TUBGCP3: variants seen among roughly 807,000 people sequenced by gnomAD.
TUBGCP3 encodes the protein gamma-tubulin complex component 3.
Under a neutral mutation model 123.1 loss-of-function variants are expected in TUBGCP3, and 50 were observed. That is an observed-to-expected ratio of 0.41 (90% CI 0.32 to 0.51). TUBGCP3 has a LOEUF of 0.51. Among genes scored for constraint, TUBGCP3 ranks in the 20% least tolerant of loss-of-function variants. The pLI, the probability that TUBGCP3 is intolerant of heterozygous loss-of-function variation, is 0.36. For synonymous variants in TUBGCP3, 405 were observed against 413.9 expected (o/e 0.98, Z 0.26); for missense variants, 882 against 1,127.0 (o/e 0.78, Z 3.11).
chr13:112,578,558 CAA>C (rs71131496), intron 1 of TUBGCP3, among the ~76,000 whole-genome samples: 237 of 24,844 alleles, frequency 9.5e-3, no homozygotes, highest in African/African-American at 0.023. Context: ...GACTCCGTCT[CAA>C]AAAAAAAAAA....
intron 11 of TUBGCP3, among the ~76,000 whole-genome samples, chr13:112,527,923 C>A (rs539918176): frequency 6.6e-6 from 1 of 152,206 alleles, no homozygotes; most frequent in African/African-American, 2.4e-5. Flanking sequence ...GTGCCCAGGC[C>A]GGCGTCCTCT....
chr13:112,574,759 C>T (rs1044651202), intron 1 of TUBGCP3, among the ~76,000 whole-genome samples: 7 of 152,214 alleles, frequency 4.6e-5, no homozygotes, highest in African/African-American at 1.7e-4. Flanking sequence ...GGGTATGAAA[C>T]TGATGAATCA....
At chr13:112,589,521 G>T (rs1330962251), upstream of TUBGCP3, among the ~76,000 whole-genome samples, 8 of 152,240 alleles carry the variant, frequency 5.3e-5, no homozygotes, top group East Asian at 1.5e-3. Context: ...ATTAATTAGA[G>T]CCTGTCAGTT....
At chr13:112,581,842 C>T (rs922198650) in intron 1 of TUBGCP3, among the ~76,000 whole-genome samples, 1 of 152,144 alleles carries the variant, frequency 6.6e-6, no homozygotes, top group African/African-American at 2.4e-5. Context: ...CTTTCTCATA[C>T]CAAAAAGTTA....
chr13:112,510,189 C>G (rs1251032095), intron 17 of TUBGCP3, among the ~76,000 whole-genome samples: 3 of 152,178 alleles, frequency 2.0e-5, no homozygotes, highest in Middle Eastern at 3.2e-3. Context: ...CCACTGACCC[C>G]TAAAGGCTGT....
intron 1 of TUBGCP3, among the ~76,000 whole-genome samples, chr13:112,572,529 T>C (rs534974190): frequency 1.3e-5 from 2 of 152,236 alleles, no homozygotes; most frequent in African/African-American, 4.8e-5. Flanking sequence ...TGGTTTTCTG[T>C]TGATCACTAA....
intron 20 of TUBGCP3, among the ~76,000 whole-genome samples, chr13:112,496,003 G>C (rs1272519313): frequency 6.6e-6 from 1 of 151,984 alleles, no homozygotes; most frequent in East Asian, 1.9e-4. Context: ...TGCAAAAAAA[G>C]TAAAACTATT....
chr13:112,494,808 C>G (rs149626424), intron 20 of TUBGCP3, among the ~76,000 whole-genome samples: 78 of 152,340 alleles, frequency 5.1e-4, no homozygotes, highest in African/African-American at 1.8e-3. Flanking sequence ...ATCTGCATTT[C>G]TTTGATAACC....
intron 11 of TUBGCP3, among the ~76,000 whole-genome samples, chr13:112,543,434 C>T (rs1330891590): frequency 1.3e-5 from 2 of 152,096 alleles, no homozygotes; most frequent in African/African-American, 4.8e-5. Context: ...TATGCAATCC[C>T]TATAAAAATT....
chr13:112,570,953 T>C (rs1349307192), intron 1 of TUBGCP3, among the ~76,000 whole-genome samples: 2 of 152,240 alleles, frequency 1.3e-5, no homozygotes, highest in Non-Finnish European at 2.9e-5. Context: ...CAACTCCTCA[T>C]CCCTTCACAT....
chr13:112,501,008 T>C (rs1248327695), intron 19 of TUBGCP3, among the ~76,000 whole-genome samples: 1 of 152,238 alleles, frequency 6.6e-6, no homozygotes, highest in African/African-American at 2.4e-5. Flanking sequence ...TATTCGGCAG[T>C]GAACAGCCCA....
Position 112,544,198 on chromosome 13 carries a change from A to G in TUBGCP3, c.1335+1501T>C, listed in dbSNP as rs553782411. Among the ~76,000 whole-genome samples, 734 of 152,162 alleles carry G rather than the reference A, an allele frequency of 4.8e-3. 3 individuals carry two copies. The highest frequency in any genetic ancestry group is 8.6e-3 in the Non-Finnish European group (583 of 68,006). ...GCCGGGCGCAGTGGCTCACGCCTGT[A>G]ATCCCAGCACTTTGGGAGGCCAAGG... On this transcript the variant is annotated intron_variant, in intron 11 of 21. Coordinates refer to ENST00000261965, the MANE Select transcript of TUBGCP3 (RefSeq NM_006322.6).
Position 112,558,304 on chromosome 13 carries a change from C to T in TUBGCP3, c.440G>A (p.Ser147Asn). The change falls in exon 5 of 22, where the codon AGT (serine) becomes AAT (asparagine). Residue 147 changes from serine to asparagine, a missense_variant. Ser to Asn is a conservative substitution (Grantham distance 46). Around this residue, in one of 3 missense-constraint regions of TUBGCP3, gnomAD observed 713 missense variants for 874.0 expected, o/e 0.82. Coordinates refer to ENST00000261965, the MANE Select transcript of TUBGCP3 (RefSeq NM_006322.6). ...QTLPLSYQDR[S>N]AQSAQSSGSV... is the part of the protein sequence containing the mutation. ...GCCGGAGCTCTGGGCTGACTGGGCACTCCGATCTTGGTAGCTCAGGGGAAG... is the reference window on the plus strand; with the variant it reads ...GCCGGAGCTCTGGGCTGACTGGGCATTCCGATCTTGGTAGCTCAGGGGAAG... The T allele has an allele frequency of 6.2e-7, 1 of 1,613,804 alleles. No homozygotes were observed. The highest frequency in any genetic ancestry group is 8.5e-7 in the Non-Finnish European group (1 of 1,180,020).
In TUBGCP3 at chr13:112,511,077, C is replaced by T. The variant is rs936607514; in HGVS notation, c.2086+5363G>A. On this transcript the variant is annotated intron_variant, in intron 17 of 21. Coordinates refer to ENST00000261965, the MANE Select transcript of TUBGCP3 (RefSeq NM_006322.6). This position sits in a 1 kb window ranked among gnomAD's most constrained non-coding sequence, Gnocchi z 4.1. The stretch of plus-strand genomic sequence containing the variant: ...AAATTTTTAAAGAGAAAAACTTCAA[C>T]TCATCCTTTATCATTCACTGAGTCT... Among the ~76,000 whole-genome samples, 1 of 152,180 alleles carries T rather than the reference C, an allele frequency of 6.6e-6. No homozygotes were observed. The highest frequency in any genetic ancestry group is 2.4e-5 in the African/African-American group (1 of 41,458).
the TUBGCP3 span, among the ~76,000 whole-genome samples, chr13:112,596,216 T>C: frequency 6.6e-6 from 1 of 152,224 alleles, no homozygotes; most frequent in African/African-American, 2.4e-5. Flanking sequence ...TTTTCATTCT[T>C]TTCATTGTAC....
chr13:112,512,329 G>A (rs1275851254), intron 17 of TUBGCP3, among the ~76,000 whole-genome samples: 3 of 150,252 alleles, frequency 2.0e-5, no homozygotes, highest in Non-Finnish European at 4.4e-5. Context: ...TCAGGAGGCT[G>A]AGGAATGAGA....
intron 11 of TUBGCP3, among the ~76,000 whole-genome samples, chr13:112,544,032 CTTA>C (rs1234768259): frequency 6.6e-6 from 1 of 152,160 alleles, no homozygotes; most frequent in East Asian, 1.9e-4. Flanking sequence ...TGAAAATATT[CTTA>C]TTAACATTGG....
chr13:112,578,941 T>C (rs1351541637), intron 1 of TUBGCP3, among the ~76,000 whole-genome samples: 3 of 152,236 alleles, frequency 2.0e-5, no homozygotes, highest in African/African-American at 7.2e-5. Context: ...AAGAAATCTT[T>C]GCAACTTTGA....
At chr13:112,589,170 G>T (rs892788164), upstream of TUBGCP3, among the ~76,000 whole-genome samples, 1 of 152,164 alleles carries the variant, frequency 6.6e-6, no homozygotes, top group Non-Finnish European at 1.5e-5. Flanking sequence ...TTCTAAACTT[G>T]CATCACACTC....
Sources: gnomAD v4.1 joint callset for allele counts (sites outside exome capture counted in the v4.1 genomes callset) on GRCh38, gnomAD v4.1.1 for gene constraint, gnomAD v4.1.1 regional missense constraint, Gnocchi (gnomAD v3.1) non-coding constraint, MANE v1.5 for transcripts, NCBI Gene and HGNC (gene_info 2026-07-23, HGNC 2026-07-21) for gene names.